CEP83: variants seen among roughly 807,000 people sequenced by gnomAD.
The protein encoded by CEP83 is centrosomal protein of 83 kDa.
Under a neutral mutation model 101.9 loss-of-function variants are expected in CEP83, and 70 were observed. That is an observed-to-expected ratio of 0.69 (90% CI 0.57 to 0.84). The LOEUF is 0.84. CEP83 is among the 40% of genes least tolerant of loss of function. The probability of loss-of-function intolerance (pLI) is 0.00; values close to 1 mark genes in which losing one functional copy is unlikely to be tolerated. For missense variants in CEP83, 715 were observed against 787.2 expected (o/e 0.91, Z 1.10); for synonymous variants, 264 against 267.9 (o/e 0.99, Z 0.14).
chr12:94,442,836 T>C (rs2066511449), intron 1 of CEP83, among the ~76,000 whole-genome samples: 1 of 152,170 alleles, frequency 6.6e-6, no homozygotes, highest in African/African-American at 2.4e-5. Flanking sequence ...TATCCTCTAT[T>C]TATAACAAAT....
intron 1 of CEP83, among the ~76,000 whole-genome samples, chr12:94,446,109 A>G (rs1416377380): frequency 6.6e-6 from 1 of 152,226 alleles, no homozygotes; most frequent in Non-Finnish European, 1.5e-5. Flanking sequence ...TTTGCTTTGC[A>G]AACATTTATT....
intron 8 of CEP83, among the ~76,000 whole-genome samples, chr12:94,371,556 C>T (rs760759201): frequency 6.6e-6 from 1 of 151,936 alleles, no homozygotes; most frequent in Non-Finnish European, 1.5e-5. Flanking sequence ...GATATATTAT[C>T]CAAATATATA....
In CEP83 at chr12:94,333,537, G is replaced by C. The variant is rs2059327774; in HGVS notation, c.1522C>G (p.Gln508Glu). Residue 508 changes from glutamine to glutamate, a missense_variant, in exon 13 of 17, where the codon CAA becomes GAA. Gln to Glu is a conservative substitution (Grantham distance 29). Transcript: ENST00000397809. ...MLKEMVERLK[Q>E]ECRNFRSQAE... is the part of the protein sequence containing the mutation. ...TGGCTTCTAAAATTTCGGCATTCTT[G>C]TTTTAATCTCTCCACCATTTCCTTC... 1 of 1,613,558 alleles carries C rather than the reference G, an allele frequency of 6.2e-7. No individual in the cohort carries two copies. Among genetic ancestry groups the C allele is most frequent in the African/African-American group, 1.3e-5 (1 of 74,904 alleles).
At chr12:94,392,284 A>T (rs977573515) in intron 6 of CEP83, among the ~76,000 whole-genome samples, 1 of 152,156 alleles carries the variant, frequency 6.6e-6, no homozygotes, top group Non-Finnish European at 1.5e-5. Context: ...ATCACAACAA[A>T]TTGTCTCTCA....
At chr12:94,456,606 G>A (rs2067695769) in intron 1 of CEP83, among the ~76,000 whole-genome samples, 1 of 152,194 alleles carries the variant, frequency 6.6e-6, no homozygotes, top group South Asian at 2.1e-4. Context: ...AAGGTAGCAG[G>A]AAGGAGAATG....
intron 14 of CEP83, among the ~76,000 whole-genome samples, chr12:94,327,028 G>GA (rs75638444): frequency 0.13 from 19,402 of 152,142 alleles, 1,730 homozygotes; most frequent in African/African-American, 0.25. Flanking sequence ...ACCTCAGGAT[G>GA]AATCACAGGT....
chr12:94,411,178 A>G (rs1249588564), intron 4 of CEP83, among the ~76,000 whole-genome samples: 1 of 152,202 alleles, frequency 6.6e-6, no homozygotes, highest in African/African-American at 2.4e-5. Flanking sequence ...AAAAATGAAT[A>G]GCGTGAAAAT....
rs556357106 is a variant in CEP83 at position 94,311,751 on chromosome 12, C to T, written c.1811+1163G>A. The stretch of plus-strand genomic sequence containing the variant: ...GACATGGAGAAAAAGGCTAACTTTC[C>T]AGGCCTTCACAGATCATCATCTTTT... On this transcript the variant is annotated intron_variant, in intron 15 of 16. Coordinates refer to ENST00000397809, the MANE Select transcript of CEP83 (RefSeq NM_016122.3). Among the ~76,000 whole-genome samples the T allele has an allele frequency of 8.5e-4, 130 of 152,328 alleles. No homozygotes were observed. The South Asian group carries it at 9.3e-3, about 11-fold the overall frequency.
chr12:94,284,198 T>C, the CEP83 span, among the ~76,000 whole-genome samples: 22 of 152,146 alleles, frequency 1.4e-4, no homozygotes, highest in African/African-American at 5.1e-4. Flanking sequence ...GTCAGAATCT[T>C]GTAGCCTCCA....
intron 11 of CEP83, among the ~76,000 whole-genome samples, chr12:94,355,523 A>C (rs2060423908): frequency 6.6e-6 from 1 of 152,168 alleles, no homozygotes; most frequent in Admixed American, 6.5e-5. Context: ...AGAACAAACA[A>C]AGCCCAAAGT....
intron 5 of CEP83, among the ~76,000 whole-genome samples, chr12:94,401,435 G>C (rs1237904278): frequency 6.6e-6 from 1 of 152,152 alleles, no homozygotes; most frequent in Non-Finnish European, 1.5e-5. Flanking sequence ...ATATTACAAT[G>C]ATAGTTTAAC....
chr12:94,436,511 G>A (rs963339087), intron 1 of CEP83, among the ~76,000 whole-genome samples: 4 of 152,044 alleles, frequency 2.6e-5, no homozygotes, highest in African/African-American at 7.2e-5. Context: ...CAGGGCTCTC[G>A]AATTAACCCA....
chr12:94,419,850 G>C (rs913485334), intron 2 of CEP83, among the ~76,000 whole-genome samples: 1 of 151,940 alleles, frequency 6.6e-6, no homozygotes, highest in Non-Finnish European at 1.5e-5. Context: ...AATTCTAGTT[G>C]GACTGAAGAT....
At chr12:94,397,180 G>A (rs1167698783) in intron 6 of CEP83, among the ~76,000 whole-genome samples, 5 of 152,078 alleles carry the variant, frequency 3.3e-5, no homozygotes, top group Non-Finnish European at 7.4e-5. Flanking sequence ...AGATTCTTAA[G>A]ACTATCATAA....
Position 94,352,374 on chromosome 12 carries a change from T to C in CEP83, c.1343+15420A>G, listed in dbSNP as rs1356810797. Among the ~76,000 whole-genome samples the C allele has an allele frequency of 3.3e-5, 5 of 149,540 alleles. No individual in the cohort carries two copies. The East Asian group carries it at 9.8e-4, about 29-fold the overall frequency. ...GGCAGAGGTTGCAGTGAGCCAAGATTGTGCCACTGCACTCCAACCTGGGTG... is the reference window on the plus strand; with the variant it reads ...GGCAGAGGTTGCAGTGAGCCAAGATCGTGCCACTGCACTCCAACCTGGGTG... On this transcript the variant is annotated intron_variant, in intron 11 of 16. Transcript: ENST00000397809.
At chr12:94,454,011 C>T (rs1046578722) in intron 1 of CEP83, among the ~76,000 whole-genome samples, 4 of 151,650 alleles carry the variant, frequency 2.6e-5, no homozygotes, top group Non-Finnish European at 5.9e-5. Flanking sequence ...GCAGGAGAAT[C>T]GCTTGAACCC....
chr12:94,420,040 T>C (rs1414853544), intron 2 of CEP83, among the ~76,000 whole-genome samples: 1 of 152,200 alleles, frequency 6.6e-6, no homozygotes, highest in Non-Finnish European at 1.5e-5. Flanking sequence ...AAATATCCAT[T>C]TGCATCTTTT....
chr12:94,346,368 T>C (rs1043119176), intron 11 of CEP83, among the ~76,000 whole-genome samples: 3 of 150,816 alleles, frequency 2.0e-5, no homozygotes, highest in African/African-American at 4.9e-5. Context: ...TTTCTTCATC[T>C]AGCTGTTTAT....
downstream of CEP83, chr12:94,304,228 C>A (rs1314421447): frequency 1.9e-6 from 1 of 515,244 alleles, no homozygotes; most frequent in Non-Finnish European, 3.5e-6. Context: ...TGGCTGCCCC[C>A]CTTACAGTTT....
Sources: allele counts gnomAD v4.1 joint callset (sites outside exome capture counted in the v4.1 genomes callset), GRCh38; gene constraint gnomAD v4.1.1; transcripts MANE v1.5; gene names NCBI Gene and HGNC (gene_info 2026-07-23, HGNC 2026-07-21).